The following ERBB4 variants were observed in gnomAD, a reference collection of about 807,000 sequenced individuals.
ERBB4 encodes the protein receptor tyrosine-protein kinase erbB-4.
In ERBB4, 42 loss-of-function variants were observed where a neutral mutation model predicts 158.0. The ratio of observed to expected loss-of-function variants is 0.27; its 90% CI spans 0.21 to 0.34. The LOEUF (loss-of-function observed/expected upper bound fraction) is 0.34, where lower values mean the gene tolerates loss of function less well. ERBB4 is among the 10% of genes least tolerant of loss of function. The pLI is 1.00. For missense variants in ERBB4, 1,333 were observed against 1,624.1 expected, an observed-to-expected ratio of 0.82 and a Z score of 3.08; for synonymous variants, 583 against 558.7, an observed-to-expected ratio of 1.04 and a Z score of -0.61.
chr2:211,645,402 A>G (rs2070749489), intron 16 of ERBB4, among the ~76,000 whole-genome samples: 1 of 151,720 alleles, frequency 6.6e-6, no homozygotes, highest in Non-Finnish European at 1.5e-5. Flanking sequence ...ATAGGATCAA[A>G]GCCATCCTGT....
chr2:211,499,556 C>CA (rs1241550229), intron 20 of ERBB4, among the ~76,000 whole-genome samples: 4 of 151,380 alleles, frequency 2.6e-5, no homozygotes, highest in South Asian at 2.1e-4. Context: ...AACAAACAAA[C>CA]AAAAAAAAGA....
At chr2:211,652,907 T>C (rs2071051699) in intron 16 of ERBB4, among the ~76,000 whole-genome samples, 2 of 152,260 alleles carry the variant, frequency 1.3e-5, no homozygotes, top group South Asian at 2.1e-4. Context: ...ACTTGACTTA[T>C]TGAGATTAAC....
chr2:211,946,576 C>CTTTTTTTT lies in ERBB4; in HGVS notation c.421+846_421+853dup, dbSNP rs56007115. On this transcript the variant is annotated intron_variant, in intron 3 of 27. Transcript: ENST00000342788. ...TACTAATTATTTACTAATTAGCTCTCTTTTTTTTTTTTTTTTTTTTTTTTT... is the reference window on the plus strand; with the variant it reads ...TACTAATTATTTACTAATTAGCTCTCTTTTTTTTTTTTTTTTTTTTTTTTTTTTTTTTT... 2.7e-3 allele frequency among the ~76,000 whole-genome samples: 132 copies of CTTTTTTTT among 49,586 alleles called. 14 individuals carry two copies. Among genetic ancestry groups the CTTTTTTTT allele is most frequent in the East Asian group, 9.9e-3 (13 of 1,310 alleles). The allele number at this position is 49,586 out of a possible 152,430, so 32.5% of individuals were successfully genotyped here. A position where few individuals can be genotyped will look rare whatever the true frequency, so the allele number is the denominator to read the frequency against.
intron 16 of ERBB4, among the ~76,000 whole-genome samples, chr2:211,643,039 G>A (rs761563153): frequency 1.3e-5 from 2 of 152,062 alleles, no homozygotes; most frequent in African/African-American, 2.4e-5. Flanking sequence ...TTTTAGTTTA[G>A]TTTATCCCTC....
intron 1 of ERBB4, among the ~76,000 whole-genome samples, chr2:212,419,052 T>G (rs934522289): frequency 6.6e-6 from 1 of 151,866 alleles, no homozygotes; most frequent in African/African-American, 2.4e-5. Context: ...ACTTTATTCA[T>G]ATTCGCACAG....
At chr2:212,062,091 G>A (rs1235711224) in intron 2 of ERBB4, among the ~76,000 whole-genome samples, 1 of 152,096 alleles carries the variant, frequency 6.6e-6, no homozygotes, top group East Asian at 1.9e-4. Flanking sequence ...TTATGAAATA[G>A]TATTATTTGT....
At chr2:211,877,243 C>G (rs529052361) in intron 3 of ERBB4, among the ~76,000 whole-genome samples, 1 of 152,298 alleles carries the variant, frequency 6.6e-6, no homozygotes, top group Admixed American at 6.5e-5. Context: ...CCTTATTGGA[C>G]TATGGCAGAA....
At chr2:212,536,738 G>A (rs1693089950) in intron 1 of ERBB4, among the ~76,000 whole-genome samples, 1 of 152,162 alleles carries the variant, frequency 6.6e-6, no homozygotes, top group Non-Finnish European at 1.5e-5. Flanking sequence ...ATACCAAATT[G>A]CTGCGGACTC....
In ERBB4 at chr2:211,567,761, C is replaced by T. The variant is rs144086471; in HGVS notation, c.2302-5673G>A. Among the ~76,000 whole-genome samples the T allele has an allele frequency of 5.6e-3, 833 of 147,676 alleles. 10 individuals are homozygous for T. Among genetic ancestry groups the T allele is most frequent in the South Asian group, 0.038 (181 of 4,706 alleles). The stretch of plus-strand genomic sequence containing the variant: ...TTCTCTTTTTCTGAAGAAAGAAAAA[C>T]GAACAAGACACTAATTGTAGCTTGC... On this transcript the variant is annotated intron_variant, in intron 19 of 27. Transcript: ENST00000342788.
chr2:211,466,561 A>G (rs562596619), intron 20 of ERBB4, among the ~76,000 whole-genome samples: 1 of 152,238 alleles, frequency 6.6e-6, no homozygotes, highest in East Asian at 1.9e-4. Context: ...CAAATTTATC[A>G]ACAACTGAGT....
chr2:211,694,765 C>T (rs1005630728), intron 12 of ERBB4, among the ~76,000 whole-genome samples: 13 of 152,188 alleles, frequency 8.5e-5, no homozygotes, highest in African/African-American at 3.1e-4. Context: ...ATTTCCCAGG[C>T]TCCCAGACCC....
intron 20 of ERBB4, among the ~76,000 whole-genome samples, chr2:211,529,513 A>G (rs1388575863): frequency 6.6e-6 from 1 of 152,152 alleles, no homozygotes; most frequent in African/African-American, 2.4e-5. Context: ...GGCTAGTATT[A>G]CACTGATGCC....
At chr2:211,513,379 A>C (rs948328508) in intron 20 of ERBB4, among the ~76,000 whole-genome samples, 5 of 147,708 alleles carry the variant, frequency 3.4e-5, no homozygotes, top group Non-Finnish European at 7.4e-5. Context: ...AAAAAAAACA[A>C]AAAAAAAACA....
chr2:211,799,512 A>G (rs2105885871), intron 3 of ERBB4, among the ~76,000 whole-genome samples: 1 of 152,318 alleles, frequency 6.6e-6, no homozygotes, highest in East Asian at 1.9e-4. Context: ...ACATTCAAGA[A>G]GGGAAAACTA....
At chr2:211,910,326 A>G (rs1258207661) in intron 3 of ERBB4, among the ~76,000 whole-genome samples, 3 of 151,230 alleles carry the variant, frequency 2.0e-5, no homozygotes, top group Non-Finnish European at 4.4e-5. Flanking sequence ...GCCATAAAAC[A>G]TAATAATATT....
chr2:211,407,276 C>T (rs1013342309), intron 25 of ERBB4, among the ~76,000 whole-genome samples: 7 of 152,148 alleles, frequency 4.6e-5, no homozygotes, highest in African/African-American at 1.4e-4. Context: ...TTAGTCATTT[C>T]GACCCAAGAA....
At chr2:212,096,399 T>A in intron 2 of ERBB4, among the ~76,000 whole-genome samples, 1 of 152,084 alleles carries the variant, frequency 6.6e-6, no homozygotes, top group South Asian at 2.1e-4. Flanking sequence ...TTAGAGAACT[T>A]GGTGAAAATG....
intron 1 of ERBB4, among the ~76,000 whole-genome samples, chr2:212,483,643 C>A (rs6752299): frequency 0.088 from 13,353 of 152,094 alleles, 970 homozygotes; most frequent in African/African-American, 0.19. Flanking sequence ...TTGATTTAGG[C>A]CTTTAACTCC....
At position 212,227,824 on chromosome 2, in the gene ERBB4, T is replaced by TA. The variant is rs879924492; in HGVS notation, c.83-102922dup. Among the ~76,000 whole-genome samples, 58 of 142,682 alleles carry TA rather than the reference T, an allele frequency of 4.1e-4. 1 individual carries two copies. Among genetic ancestry groups the TA allele is most frequent in the South Asian group, 8.9e-4 (4 of 4,488 alleles). 93.6% of individuals were successfully genotyped at this position (142,682 alleles called of 152,430 possible). A position where few individuals can be genotyped will look rare whatever the true frequency, so the allele number is the denominator to read the frequency against. On this transcript the variant is annotated intron_variant, in intron 1 of 27. Coordinates refer to ENST00000342788, the MANE Select transcript of ERBB4 (RefSeq NM_005235.3). ...AAACCTGATAGATTACTGTCCAGTA[T>TA]AAAAAAAAAAAGTCTTATGGGAACT...
Sources: gnomAD v4.1 joint callset for allele counts (sites outside exome capture counted in the v4.1 genomes callset) on GRCh38, gnomAD v4.1.1 for gene constraint, MANE v1.5 for transcripts, NCBI Gene and HGNC (gene_info 2026-07-23, HGNC 2026-07-21) for gene names.